The following EBF1 variants were observed in gnomAD, a reference collection of about 807,000 sequenced individuals.
EBF1 encodes the protein transcription factor COE1.
EBF1 carries 10 observed loss-of-function variants against 68.4 expected under a neutral mutation model. The ratio of observed to expected loss-of-function variants is 0.15; its 90% CI spans 0.09 to 0.25. The LOEUF (loss-of-function observed/expected upper bound fraction) is 0.25, where lower values mean the gene tolerates loss of function less well. Ranked by LOEUF, EBF1 falls within the 10% of genes least tolerant of loss-of-function variation. The probability of loss-of-function intolerance (pLI) is 1.00; values close to 1 mark genes in which losing one functional copy is unlikely to be tolerated. For synonymous variants in EBF1, 298 were observed against 299.8 expected, an observed-to-expected ratio of 0.99 and a Z score of 0.06; for missense variants, 509 against 794.4, an observed-to-expected ratio of 0.64 and a Z score of 4.32.
intron 11 of EBF1, among the ~76,000 whole-genome samples, chr5:158,716,759 G>T (rs1263386290): frequency 6.6e-6 from 1 of 152,138 alleles, no homozygotes; most frequent in Non-Finnish European, 1.5e-5. Flanking sequence ...CAGTGAACTA[G>T]CCCCCAGGCG....
At chr5:158,937,046 A>C (rs1156477663) in intron 6 of EBF1, among the ~76,000 whole-genome samples, 2 of 151,702 alleles carry the variant, frequency 1.3e-5, no homozygotes, top group Admixed American at 1.3e-4. Flanking sequence ...CTGACTGGGG[A>C]GGGTCATTTC....
intron 6 of EBF1, among the ~76,000 whole-genome samples, chr5:158,936,070 A>G (rs948001759): frequency 3.3e-5 from 5 of 152,214 alleles, no homozygotes; most frequent in East Asian, 1.9e-4. Flanking sequence ...AAAGCAACCA[A>G]TGAAATGATA....
intron 9 of EBF1, among the ~76,000 whole-genome samples, chr5:158,786,585 C>T (rs368821602): frequency 3.3e-5 from 5 of 152,112 alleles, no homozygotes; most frequent in South Asian, 4.1e-4. Flanking sequence ...ACACCAGCAA[C>T]GCCAGCCCCT....
chr5:158,739,477 A>C (rs1240016761), intron 10 of EBF1, among the ~76,000 whole-genome samples: 1 of 152,236 alleles, frequency 6.6e-6, no homozygotes, highest in Non-Finnish European at 1.5e-5. Flanking sequence ...TTGAGCAAAC[A>C]GAAGTTGAAT....
intron 6 of EBF1, among the ~76,000 whole-genome samples, chr5:158,871,890 A>C (rs956546172): frequency 2.0e-5 from 3 of 152,182 alleles, no homozygotes; most frequent in African/African-American, 2.4e-5. Context: ...ACAAAACAAA[A>C]ACCCAGACAG....
chr5:159,056,603 C>T (rs747168531), intron 6 of EBF1, among the ~76,000 whole-genome samples: 1 of 152,166 alleles, frequency 6.6e-6, no homozygotes, highest in Non-Finnish European at 1.5e-5. Flanking sequence ...AAACTGTACA[C>T]AAAAGTGGTT....
intron 6 of EBF1, among the ~76,000 whole-genome samples, chr5:159,031,579 G>A (rs936301561): frequency 1.3e-5 from 2 of 152,228 alleles, no homozygotes; most frequent in Admixed American, 6.5e-5. Context: ...GGGAGAAGGG[G>A]AGGAGGCAAA....
intron 6 of EBF1, among the ~76,000 whole-genome samples, chr5:158,881,532 C>T (rs938397437): frequency 2.0e-5 from 3 of 152,170 alleles, no homozygotes; most frequent in East Asian, 1.9e-4. Context: ...CGATCTGCTG[C>T]GGTGCTGAAG....
chr5:158,896,000 G>A (rs750760881), intron 6 of EBF1, among the ~76,000 whole-genome samples: 1 of 152,168 alleles, frequency 6.6e-6, no homozygotes, highest in Non-Finnish European at 1.5e-5. Context: ...CCCAATTACT[G>A]TATACAACAG....
chr5:158,992,852 C>T (rs919358250), intron 6 of EBF1, among the ~76,000 whole-genome samples: 1 of 149,544 alleles, frequency 6.7e-6, no homozygotes, highest in African/African-American at 2.5e-5. Context: ...TATTTTGCTG[C>T]TGAAGTGTAA....
At chr5:158,896,906 A>G (rs747271249) in intron 6 of EBF1, among the ~76,000 whole-genome samples, 1 of 152,128 alleles carries the variant, frequency 6.6e-6, no homozygotes, top group Non-Finnish European at 1.5e-5. Flanking sequence ...CCAGTGGCAC[A>G]AACAGAGTTT....
At chr5:159,008,506 T>G (rs900961626) in intron 6 of EBF1, among the ~76,000 whole-genome samples, 4 of 150,878 alleles carry the variant, frequency 2.7e-5, no homozygotes, top group African/African-American at 9.7e-5. Context: ...TTTAAACGTT[T>G]TCTTTTCTTT....
chr5:158,718,720 T>C (rs1318266531), intron 11 of EBF1, among the ~76,000 whole-genome samples: 1 of 152,174 alleles, frequency 6.6e-6, no homozygotes, highest in Non-Finnish European at 1.5e-5. Context: ...AGAGCCTGGC[T>C]CTTGAAAATC....
At chr5:159,019,769 C>T (rs539579853) in intron 6 of EBF1, among the ~76,000 whole-genome samples, 3 of 152,088 alleles carry the variant, frequency 2.0e-5, no homozygotes, top group Admixed American at 6.5e-5. Context: ...ACGCCAGTGG[C>T]TCCATCCTTT....
At chr5:159,005,477 G>A (rs1763373280) in intron 6 of EBF1, among the ~76,000 whole-genome samples, 1 of 152,162 alleles carries the variant, frequency 6.6e-6, no homozygotes, top group Non-Finnish European at 1.5e-5. Context: ...CCAGCAAATT[G>A]AAAATGATAT....
intron 6 of EBF1, among the ~76,000 whole-genome samples, chr5:158,921,265 C>T (rs1808373625): frequency 2.0e-5 from 3 of 151,504 alleles, no homozygotes; most frequent in African/African-American, 7.3e-5. Context: ...AAATTCTATA[C>T]AGCTTGCCTA....
chr5:158,940,763 GC>G lies in EBF1; in HGVS notation c.555-100654del, dbSNP rs1281689924. On this transcript the variant is annotated intron_variant, in intron 6 of 15. Transcript: ENST00000313708. ...CTGACTGCACCCCCTTCACCCCACCGCCCCCCCCCCCCCCCCGCAGGTCAAA... is the reference window on the plus strand; with the variant it reads ...CTGACTGCACCCCCTTCACCCCACCGCCCCCCCCCCCCCCCGCAGGTCAAA... 2.7e-3 allele frequency among the ~76,000 whole-genome samples: 17 copies of G among 6,368 alleles called. 1 individual carries two copies. The highest frequency in any genetic ancestry group is 6.5e-3 in the African/African-American group (16 of 2,448). The allele number at this position is 6,368 out of a possible 152,430, so 4.2% of individuals were successfully genotyped here.
chr5:158,982,796 A>ATATATT (rs59479371), intron 6 of EBF1, among the ~76,000 whole-genome samples: 6 of 149,754 alleles, frequency 4.0e-5, no homozygotes, highest in South Asian at 2.1e-4. Context: ...ATATATATAT[A>ATATATT]GTGGTCTAAA....
intron 6 of EBF1, among the ~76,000 whole-genome samples, chr5:158,988,116 G>A (rs1246330282): frequency 6.6e-6 from 1 of 152,204 alleles, no homozygotes; most frequent in African/African-American, 2.4e-5. Context: ...TAGGTGGAAT[G>A]GATGAGTGAA....
Sources: allele counts gnomAD v4.1 joint callset (sites outside exome capture counted in the v4.1 genomes callset), GRCh38; gene constraint gnomAD v4.1.1; transcripts MANE v1.5; gene names NCBI Gene and HGNC (gene_info 2026-07-23, HGNC 2026-07-21).